Variants in CTTNBP2 observed in about 807,000 individuals in gnomAD.
CTTNBP2 encodes cortactin-binding protein 2.
In CTTNBP2, 108 loss-of-function variants were observed where a neutral mutation model predicts 156.9. The ratio of observed to expected loss-of-function variants is 0.69; its 90% CI spans 0.59 to 0.81. CTTNBP2 has a LOEUF of 0.81. Among genes scored for constraint, CTTNBP2 ranks in the 30% least tolerant of loss-of-function variants. The pLI, the probability that CTTNBP2 is intolerant of heterozygous loss-of-function variation, is 0.00. For synonymous variants in CTTNBP2, 767 were observed against 751.8 expected, an observed-to-expected ratio of 1.02 and a Z score of -0.33; for missense variants, 1,924 against 2,035.4, an observed-to-expected ratio of 0.95 and a Z score of 1.05.
At chr7:117,818,507 T>C (rs1800757997) in intron 2 of CTTNBP2, among the ~76,000 whole-genome samples, 1 of 152,090 alleles carries the variant, frequency 6.6e-6, no homozygotes, top group Non-Finnish European at 1.5e-5. Flanking sequence ...GAAGCAAGCA[T>C]GAAAAACACT....
intron 17 of CTTNBP2, among the ~76,000 whole-genome samples, 173 bp from the exon 18 acceptor site, chr7:117,725,430 T>C (rs897738340): frequency 1.2e-4 from 19 of 152,324 alleles, no homozygotes; most frequent in African/African-American, 4.1e-4. Flanking sequence ...TACAAAAGTG[T>C]TTGAATCTGC....
chr7:117,800,734 G>C (rs754346667), intron 3 of CTTNBP2, among the ~76,000 whole-genome samples: 19 of 152,062 alleles, frequency 1.2e-4, no homozygotes, highest in Non-Finnish European at 2.6e-4. Context: ...TTAGATTCAG[G>C]AATGTCAGTG....
chr7:117,791,605 T>C lies in CTTNBP2; in HGVS notation c.1591A>G (p.Thr531Ala). 6.2e-7 allele frequency: 1 copy of C among 1,614,020 alleles called. No homozygotes were observed. Among genetic ancestry groups the C allele is most frequent in the African/African-American group, 1.3e-5 (1 of 74,984 alleles). ...HPPVGRTSLKTHGVARVDRGN... is the reference protein window; with the variant it reads ...HPPVGRTSLKAHGVARVDRGN... ...CTGTCAACTCGTGCTACACCATGAG[T>C]CTTTAAACTGGTCCGACCAACTGGA... Residue 531 changes from threonine to alanine, a missense_variant, in exon 4 of 23, where the codon ACT (threonine) becomes GCT (alanine). Coordinates refer to ENST00000160373, the MANE Select transcript of CTTNBP2 (RefSeq NM_033427.3).
chr7:117,794,871 G>T (rs1479674581), intron 3 of CTTNBP2, among the ~76,000 whole-genome samples: 7 of 124,258 alleles, frequency 5.6e-5, no homozygotes, highest in Admixed American at 7.6e-5. Context: ...GTTTTTATAT[G>T]TATATCTTTT....
At chr7:117,849,590 G>T (rs879888001) in intron 2 of CTTNBP2, among the ~76,000 whole-genome samples, 5 of 151,970 alleles carry the variant, frequency 3.3e-5, no homozygotes, top group Non-Finnish European at 7.4e-5. Context: ...TACTCCATCA[G>T]TCCATACCCC....
chr7:117,842,222 CAG>C (rs1485693493), intron 2 of CTTNBP2, among the ~76,000 whole-genome samples: 4 of 151,308 alleles, frequency 2.6e-5, no homozygotes, highest in African/African-American at 9.8e-5. Flanking sequence ...TTTTTTAAAA[CAG>C]AGTTTCACTC....
chr7:117,776,687 T>G (rs1562995205), intron 8 of CTTNBP2, among the ~76,000 whole-genome samples: 1 of 152,238 alleles, frequency 6.6e-6, no homozygotes, highest in Non-Finnish European at 1.5e-5. Flanking sequence ...AGCCTAACAT[T>G]CCTGGAGCTC....
chr7:117,872,918 C>T (rs1031638956), intron 1 of CTTNBP2, among the ~76,000 whole-genome samples: 2 of 152,150 alleles, frequency 1.3e-5, no homozygotes, highest in Admixed American at 6.5e-5. Flanking sequence ...CAGGCACCCC[C>T]GAGACACGCG....
At chr7:117,760,331 C>T in intron 10 of CTTNBP2, 104 bp downstream of exon 10, 4 of 1,164,016 alleles carry the variant, frequency 3.4e-6, no homozygotes, top group South Asian at 3.0e-5. Flanking sequence ...CACAAGTAAG[C>T]TTTGAATGTG....
At chr7:117,788,526 C>T (rs562540808) in intron 4 of CTTNBP2, among the ~76,000 whole-genome samples, 33 of 152,248 alleles carry the variant, frequency 2.2e-4, no homozygotes, top group Admixed American at 2.1e-3. Flanking sequence ...GGGCTCATGA[C>T]CTGGAGAGGC....
intron 2 of CTTNBP2, among the ~76,000 whole-genome samples, chr7:117,832,884 T>C (rs1422387437): frequency 6.6e-6 from 1 of 150,788 alleles, no homozygotes; most frequent in African/African-American, 2.5e-5. Flanking sequence ...GTAGATGAGA[T>C]TACAGGCACC....
intron 1 of CTTNBP2, among the ~76,000 whole-genome samples, chr7:117,862,715 G>C (rs926670302): frequency 2.0e-5 from 3 of 152,168 alleles, no homozygotes; most frequent in Non-Finnish European, 4.4e-5. Flanking sequence ...AGAAGCCATT[G>C]TTCAAAACAT....
chr7:117,863,621 C>A (rs1273359962), intron 1 of CTTNBP2, among the ~76,000 whole-genome samples: 2 of 152,224 alleles, frequency 1.3e-5, no homozygotes, highest in Admixed American at 6.5e-5. Context: ...TGGTGAGGAG[C>A]ACTTCTGTAA....
chr7:117,861,986 G>A (rs764918173), intron 1 of CTTNBP2, among the ~76,000 whole-genome samples: 3 of 151,832 alleles, frequency 2.0e-5, no homozygotes, highest in Admixed American at 6.6e-5. Context: ...ATAATCCACC[G>A]AGCCAGGAAG....
Position 117,760,639 on chromosome 7 carries a change from C to A in CTTNBP2, c.2968G>T (p.Glu990Ter), listed in dbSNP as rs1386659932. 6.2e-7 allele frequency: 1 copy of A among 1,613,714 alleles called. No homozygotes were observed. Among genetic ancestry groups the A allele is most frequent in the Non-Finnish European group, 8.5e-7 (1 of 1,179,804 alleles). Residue 990 changes from glutamate (E) to a stop codon, truncating the protein, a stop_gained, in exon 10 of 23, where the codon GAA becomes TAA. Transcript: ENST00000160373. LOFTEE classifies it high-confidence loss of function. ...AAAGCACATATTGTGTTTTCACATT[C>A]CAAGTCATCAGAACCATAGTTGCTT... ...EPSNYGSDDL[E>*]CENTICALNI...
At chr7:117,811,903 T>A (rs548474642) in intron 2 of CTTNBP2, among the ~76,000 whole-genome samples, 2 of 44,546 alleles carry the variant, frequency 4.5e-5, no homozygotes, top group Non-Finnish European at 4.2e-5. Flanking sequence ...AAATTTTAAT[T>A]AAATTAAAAT....
intron 3 of CTTNBP2, among the ~76,000 whole-genome samples, chr7:117,802,433 T>C (rs1799672951): frequency 7.8e-6 from 1 of 127,730 alleles, no homozygotes. Flanking sequence ...GACTTCAGCA[T>C]TGGCAAAAAA....
At chr7:117,774,792 C>T (rs867978575) in intron 8 of CTTNBP2, among the ~76,000 whole-genome samples, 1 of 152,056 alleles carries the variant, frequency 6.6e-6, no homozygotes, top group African/African-American at 2.4e-5. Context: ...AACGATACTA[C>T]TACCCTGCGT....
At chr7:117,716,945 C>G (rs193228620) in intron 22 of CTTNBP2, among the ~76,000 whole-genome samples, 4 of 152,368 alleles carry the variant, frequency 2.6e-5, no homozygotes, top group African/African-American at 9.6e-5. Context: ...TAATCCTGCT[C>G]TCTGCGCCCC....
Sources: allele counts gnomAD v4.1 joint callset (sites outside exome capture counted in the v4.1 genomes callset), GRCh38; gene constraint gnomAD v4.1.1; transcripts MANE v1.5; gene names NCBI Gene and HGNC (gene_info 2026-07-23, HGNC 2026-07-21).